The following PEX1 variants were observed in gnomAD, a reference collection of about 807,000 sequenced individuals.
The protein encoded by PEX1 is peroxisomal biogenesis factor 1, also known as peroxisomal ATPase PEX1.
In PEX1, 97 loss-of-function variants were observed where a neutral mutation model predicts 152.5. That is an observed-to-expected ratio of 0.64 (90% CI 0.54 to 0.75). The LOEUF (loss-of-function observed/expected upper bound fraction) is 0.75. PEX1 is among the 30% of genes least tolerant of loss of function. The pLI, the probability that PEX1 is intolerant of heterozygous loss-of-function variation, is 0.00. For synonymous variants in PEX1, 485 were observed against 531.6 expected, an observed-to-expected ratio of 0.91 and a Z score of 1.21; for missense variants, 1,357 against 1,516.3, an observed-to-expected ratio of 0.89 and a Z score of 1.74.
chr7:92,520,115 G>A (rs1216497886), intron 2 of PEX1, among the ~76,000 whole-genome samples: 1 of 151,856 alleles, frequency 6.6e-6, no homozygotes, highest in Non-Finnish European at 1.5e-5. Flanking sequence ...ATCAGGTAAA[G>A]TCACTTCAAA....
At chr7:92,489,445 A>G (rs1177774050) in intron 22 of PEX1, 22 bp from the exon 23 acceptor site, 1 of 1,606,804 alleles carries the variant, frequency 6.2e-7, no homozygotes, top group Non-Finnish European at 8.5e-7. Context: ...AAAGAAATTG[A>G]CGAAGAGTTA....
At chr7:92,519,626 T>C (rs1460018667) in intron 2 of PEX1, among the ~76,000 whole-genome samples, 1 of 152,186 alleles carries the variant, frequency 6.6e-6, no homozygotes, top group African/African-American at 2.4e-5. Flanking sequence ...TATATAAATA[T>C]TCTCATTATT....
intron 23 of PEX1, among the ~76,000 whole-genome samples, chr7:92,488,048 T>C (rs559505394): frequency 2.0e-5 from 3 of 152,300 alleles, no homozygotes; most frequent in African/African-American, 7.2e-5. Context: ...CATTACCACA[T>C]TGCCTGGGAG....
rs1420291710 is a variant in PEX1, at chr7:92,504,717, G to A, written c.2071+15C>T. 3 of 1,612,390 alleles carry A rather than the reference G, an allele frequency of 1.9e-6. No individual in the cohort carries two copies. The highest frequency in any genetic ancestry group is 1.7e-6 in the Non-Finnish European group (2 of 1,178,964). ...CAAAAGAACAAGACCTTAAGCCAGT[G>A]GTGGATGCATTTACCATGAGCAAGC... On this transcript the variant is annotated intron_variant, in intron 12 of 23. Transcript: ENST00000248633.
chr7:92,506,911 A>G, intron 10 of PEX1, 83 bp downstream of exon 10: 1 of 1,416,428 alleles, frequency 7.1e-7, no homozygotes, highest in Non-Finnish European at 1.0e-6. Flanking sequence ...CCCACCCTAT[A>G]TAATAGATGG....
chr7:92,515,724 T>C (rs1792706803), intron 5 of PEX1, among the ~76,000 whole-genome samples: 1 of 152,222 alleles, frequency 6.6e-6, no homozygotes, highest in Non-Finnish European at 1.5e-5. Context: ...CCAGGCACAG[T>C]GGCTCACGCC....
intron 19 of PEX1, 63 bp from the exon 20 acceptor site, chr7:92,493,192 T>C (rs1162386617): frequency 1.1e-6 from 1 of 932,160 alleles, no homozygotes; most frequent in Non-Finnish European, 1.6e-6. Flanking sequence ...TCTTAAATTG[T>C]GTATCTTATG....
chr7:92,518,324 T>A lies in PEX1; in HGVS notation c.358-69A>T, dbSNP rs975925318. ...CCACTCCATATCTAGTTAAAAAAAA[T>A]CTCAATTCTTTTTTTAAAAAACAAA... On this transcript the variant is annotated intron_variant, in intron 3 of 23. Coordinates refer to ENST00000248633, the MANE Select transcript of PEX1 (RefSeq NM_000466.3). 11 of 1,005,092 alleles carry A rather than the reference T, an allele frequency of 1.1e-5. No homozygotes were observed. The South Asian group carries it at 1.3e-4, about 12-fold the overall frequency. 62.3% of individuals were successfully genotyped at this position (1,005,092 alleles called of 1,614,324 possible).
intron 16 of PEX1, among the ~76,000 whole-genome samples, chr7:92,498,159 A>C (rs1791751070): frequency 6.6e-6 from 1 of 152,058 alleles, no homozygotes; most frequent in Admixed American, 6.6e-5. Context: ...GCCAGTTCTC[A>C]AAAAAACACG....
chr7:92,519,653 C>G (rs1484684999), intron 2 of PEX1, among the ~76,000 whole-genome samples: 1 of 152,076 alleles, frequency 6.6e-6, no homozygotes, highest in Non-Finnish European at 1.5e-5. Flanking sequence ...AGTTTTGCAA[C>G]AGACATGCTG....
At chr7:92,506,621 A>G in intron 10 of PEX1, 1 of 510,112 alleles carries the variant, frequency 2.0e-6, no homozygotes, top group East Asian at 3.6e-5. Context: ...GATAAAACTC[A>G]GCAATGTAGA....
In PEX1 at chr7:92,510,946, G is replaced by A. The variant is rs763862595; in HGVS notation, c.1585C>T (p.Gln529Ter). The stretch of plus-strand genomic sequence containing the variant: ...AATATTCAATAACATGCTATTACTT[G>A]TATTGTAGTCTTCTGCAGCAAATTG... ...SPNLLQKTTI[Q>*]VLLDPMVKEE... is the part of the protein sequence containing the mutation. The change falls in exon 8 of 24, where the codon CAA (glutamine) becomes TAA (stop). Residue 529 changes from glutamine (Q) to a stop codon, truncating the protein, a stop_gained and splice_region_variant. Coordinates refer to ENST00000248633, the MANE Select transcript of PEX1 (RefSeq NM_000466.3). LOFTEE classifies it high-confidence loss of function. The A allele has an allele frequency of 7.1e-7, 1 of 1,410,348 alleles. No individual in the cohort carries two copies. Among genetic ancestry groups the A allele is most frequent in the Non-Finnish European group, 1.0e-6 (1 of 995,900 alleles). 87.4% of individuals were successfully genotyped at this position (1,410,348 alleles called of 1,614,324 possible).
chr7:92,502,498 A>G (rs2116152291), intron 13 of PEX1, among the ~76,000 whole-genome samples: 1 of 152,312 alleles, frequency 6.6e-6, no homozygotes, highest in South Asian at 2.1e-4. Context: ...CTCAAAACAT[A>G]TTCATATTCA....
chr7:92,517,523 G>A lies in PEX1; in HGVS notation c.992C>T (p.Thr331Ile), dbSNP rs764881580. ...AAGTAGCTTAACTAGCTTTCCATAT[G>A]TCACAGTAAAGCTGGGCTCTACATC... Reference protein sequence around the residue: ...YFDVEPSFTVTYGKLVKLLSP... With the variant: ...YFDVEPSFTVIYGKLVKLLSP... Residue 331 changes from threonine (T) to isoleucine (I), a missense_variant, in exon 5 of 24, where the codon ACA (threonine) becomes ATA (isoleucine). Physicochemically the swap from Thr to Ile is moderately conservative, Grantham distance 89. Coordinates refer to ENST00000248633, the MANE Select transcript of PEX1 (RefSeq NM_000466.3). 3 of 1,613,928 alleles carry A rather than the reference G, an allele frequency of 1.9e-6. No individual in the cohort carries two copies. In the Admixed American group the frequency reaches 5.0e-5, roughly 27 times the overall value.
At chr7:92,506,167 A>G in intron 11 of PEX1, 81 bp downstream of exon 11, 1 of 812,700 alleles carries the variant, frequency 1.2e-6, no homozygotes, top group Non-Finnish European at 2.2e-6. Flanking sequence ...ATGTGTATTT[A>G]TTAGATTGAC....
chr7:92,528,426 T>G lies in PEX1; in HGVS notation c.10A>C (p.Ser4Arg). 1 of 1,593,876 alleles carries G rather than the reference T, an allele frequency of 6.3e-7. No individual in the cohort carries two copies. Among genetic ancestry groups the G allele is most frequent in the Non-Finnish European group, 8.5e-7 (1 of 1,171,812 alleles). Reference sequence around the variant, plus strand: ...CCCCCAGCACCCGCCAGGCGATCGCTGCCCCACATCGTCCCGGAGCGTCGC... The same window carrying G: ...CCCCCAGCACCCGCCAGGCGATCGCGGCCCCACATCGTCCCGGAGCGTCGC... MWG[S>R]DRLAGAGGGG... Residue 4 changes from serine to arginine, a missense_variant, in exon 1 of 24, where the codon AGC (serine) becomes CGC (arginine). Transcript: ENST00000248633.
chr7:92,496,559 A>G (rs1791662454), intron 17 of PEX1, among the ~76,000 whole-genome samples, 154 bp downstream of exon 17: 1 of 152,212 alleles, frequency 6.6e-6, no homozygotes, highest in African/African-American at 2.4e-5. Context: ...GTATTATTTG[A>G]TGAAATAGAG....
rs2116221209 is a variant in PEX1 at position 92,513,880 on chromosome 7, T to C, written c.1327A>G (p.Arg443Gly). Residue 443 changes from arginine (R) to glycine (G), a missense_variant, in exon 6 of 24, where the codon AGA becomes GGA. Physicochemically the swap from Arg to Gly is moderately radical, Grantham distance 125. Transcript: ENST00000248633. ...TCTCTAGGTTGTAACTTTAGAGATC[T>C]TGGAATTTTAGGGGTAACTTCCACT... ...TPVEVTPKIP[R>G]SLKLQPRENL... 1 of 1,602,192 alleles carries C rather than the reference T, an allele frequency of 6.2e-7. No individual in the cohort carries two copies. Among genetic ancestry groups the C allele is most frequent in the Non-Finnish European group, 8.6e-7 (1 of 1,169,574 alleles).
chr7:92,504,842 A>ATCCACACTG lies in PEX1; in HGVS notation c.1952_1960dup (p.Trp653_Met654insThrValTrp), dbSNP rs398123408. 9.9e-6 allele frequency: 16 copies of ATCCACACTG among 1,613,908 alleles called. No homozygotes were observed. The highest frequency in any genetic ancestry group is 1.3e-5 in the Non-Finnish European group (15 of 1,179,860). ...ATCCAGCAGGACAACAGATGGCTGC[A>ATCCACACTG]TCCACACTGCCTCTGAGAAAGCCAC... On this transcript the variant is annotated inframe_insertion, in exon 12 of 24. Coordinates refer to ENST00000248633, the MANE Select transcript of PEX1 (RefSeq NM_000466.3).
Sources: allele counts gnomAD v4.1 joint callset (sites outside exome capture counted in the v4.1 genomes callset), GRCh38; gene constraint gnomAD v4.1.1; transcripts MANE v1.5; gene names NCBI Gene and HGNC (gene_info 2026-07-23, HGNC 2026-07-21).